The following COL21A1 variants were observed in gnomAD, a reference collection of about 807,000 sequenced individuals.
COL21A1 encodes the protein collagen alpha-1(XXI) chain.
COL21A1 carries 149 observed loss-of-function variants against 137.9 expected under a neutral mutation model. The observed-to-expected ratio is 1.08, with a 90% CI of 0.95 to 1.24. COL21A1 has a LOEUF of 1.24. COL21A1 is among the 50% of genes most tolerant of loss of function. The probability of loss-of-function intolerance (pLI) is 0.00; values close to 1 mark genes in which losing one functional copy is unlikely to be tolerated. For missense variants in COL21A1, 1,167 were observed against 1,158.4 expected (o/e 1.01, Z -0.11); for synonymous variants, 456 against 391.5 (o/e 1.16, Z -1.95).
At chr6:56,123,477 A>G (rs1336504038) in intron 16 of COL21A1, among the ~76,000 whole-genome samples, 1 of 152,230 alleles carries the variant, frequency 6.6e-6, no homozygotes, top group Admixed American at 6.5e-5. Flanking sequence ...AGAAAACAAG[A>G]TAACATCCCT....
intron 16 of COL21A1, among the ~76,000 whole-genome samples, chr6:56,118,227 C>T (rs1171049320): frequency 6.6e-6 from 1 of 150,552 alleles, no homozygotes; most frequent in Non-Finnish European, 1.5e-5. Context: ...AAATAAAATA[C>T]AGTCAGAAAT....
chr6:56,328,456 T>C (rs1012300164), intron 1 of COL21A1, among the ~76,000 whole-genome samples: 64 of 152,206 alleles, frequency 4.2e-4, no homozygotes, highest in Admixed American at 4.1e-3. Context: ...TCACCTATAC[T>C]AAACAACTGA....
chr6:56,131,012 G>A (rs1409648231), intron 12 of COL21A1, among the ~76,000 whole-genome samples: 1 of 152,110 alleles, frequency 6.6e-6, no homozygotes, highest in Admixed American at 6.5e-5. Context: ...GAGCCACTGG[G>A]TCATTTGTTA....
intron 16 of COL21A1, among the ~76,000 whole-genome samples, chr6:56,111,221 A>C: frequency 6.6e-6 from 1 of 152,096 alleles, no homozygotes; most frequent in East Asian, 1.9e-4. Context: ...ACTGAGTGAT[A>C]TTCTACAAAA....
chr6:56,155,831 G>A (rs1331600946), intron 10 of COL21A1, among the ~76,000 whole-genome samples: 2 of 152,162 alleles, frequency 1.3e-5, no homozygotes, highest in Non-Finnish European at 2.9e-5. Context: ...TCAAACTGCT[G>A]GTCTCAAGTG....
chr6:56,221,514 C>A (rs2152312559), intron 1 of COL21A1, among the ~76,000 whole-genome samples: 1 of 152,018 alleles, frequency 6.6e-6, no homozygotes, highest in South Asian at 2.1e-4. Flanking sequence ...CTTGAGCCTA[C>A]AAGTTTTAAA....
chr6:56,213,069 G>C (rs1004177589), intron 1 of COL21A1, among the ~76,000 whole-genome samples: 2 of 151,980 alleles, frequency 1.3e-5, no homozygotes, highest in Non-Finnish European at 2.9e-5. Flanking sequence ...TTAAAAAGTA[G>C]AGGACTGACC....
chr6:56,137,975 T>C (rs190170635), intron 12 of COL21A1, among the ~76,000 whole-genome samples: 2 of 152,122 alleles, frequency 1.3e-5, no homozygotes, highest in Admixed American at 1.3e-4. Context: ...ATGCCTAATA[T>C]CAGAGAATAT....
At chr6:56,314,191 G>T (rs1469791429) in intron 1 of COL21A1, among the ~76,000 whole-genome samples, 1 of 152,062 alleles carries the variant, frequency 6.6e-6, no homozygotes, top group Non-Finnish European at 1.5e-5. Flanking sequence ...CACCATGTTG[G>T]TCAGGATGAT....
At chr6:56,306,418 C>G (rs1472820753) in intron 1 of COL21A1, among the ~76,000 whole-genome samples, 1 of 152,098 alleles carries the variant, frequency 6.6e-6, no homozygotes, top group East Asian at 1.9e-4. Flanking sequence ...TTCTTGGAGG[C>G]TTTATTCATT....
intron 1 of COL21A1, among the ~76,000 whole-genome samples, chr6:56,242,420 T>C (rs922129446): frequency 6.6e-6 from 1 of 152,174 alleles, no homozygotes; most frequent in African/African-American, 2.4e-5. Flanking sequence ...AAATCTCTTT[T>C]CTTGGTCCTT....
chr6:56,256,062 AAAGTT>A (rs1171408330), intron 1 of COL21A1, among the ~76,000 whole-genome samples: 2 of 152,230 alleles, frequency 1.3e-5, no homozygotes, highest in Non-Finnish European at 2.9e-5. Flanking sequence ...TTCCTAAAGA[AAAGTT>A]AAGAAGATTT....
chr6:56,128,944 C>G (rs1322527053), intron 12 of COL21A1, among the ~76,000 whole-genome samples: 1 of 152,148 alleles, frequency 6.6e-6, no homozygotes, highest in African/African-American at 2.4e-5. Context: ...CATGAGCCAC[C>G]ATGCTCAGCC....
At position 56,060,961 on chromosome 6, in the gene COL21A1, C is replaced by A; in HGVS notation, c.2282G>T (p.Gly761Val). 1.9e-6 allele frequency: 3 copies of A among 1,607,900 alleles called. No individual in the cohort carries two copies. The highest frequency in any genetic ancestry group is 2.5e-6 in the Non-Finnish European group (3 of 1,177,576). Residue 761 changes from glycine (G) to valine (V), a missense_variant, in exon 26 of 30, where the codon GGG becomes GTG. Transcript: ENST00000244728. The part of the protein sequence containing the change: ...KGESGVDGLM[G>V]PAGPKGQPGD... ...AGGTTGCCCCTTAGGACCTGCGGGC[C>A]CCATCAAGCCATCCACCCCAGATTC... is the stretch of plus-strand genomic sequence containing the variant.
At chr6:56,073,140 T>G (rs1328098661) in intron 20 of COL21A1, among the ~76,000 whole-genome samples, 1 of 151,302 alleles carries the variant, frequency 6.6e-6, no homozygotes, top group Non-Finnish European at 1.5e-5. Context: ...TTAGGCTGCA[T>G]TCTTAAGAAT....
At chr6:56,168,098 C>T (rs1287144287) in intron 6 of COL21A1, 26 bp downstream of exon 6, 7 of 1,410,402 alleles carry the variant, frequency 5.0e-6, no homozygotes, top group Non-Finnish European at 5.7e-6. Flanking sequence ...CTATATAATT[C>T]AAAGAGTAAA....
At chr6:56,359,044 T>C (rs762843968) in intron 1 of COL21A1, among the ~76,000 whole-genome samples, 2 of 144,648 alleles carry the variant, frequency 1.4e-5, no homozygotes, top group Non-Finnish European at 3.1e-5. Flanking sequence ...CTCAAAACTT[T>C]CATAGAATTT....
chr6:56,208,429 C>T (rs1779939235), intron 1 of COL21A1, among the ~76,000 whole-genome samples: 1 of 151,992 alleles, frequency 6.6e-6, no homozygotes, highest in African/African-American at 2.4e-5. Context: ...TTCACAATTG[C>T]TACAAAGAGA....
chr6:56,361,694 T>TA (rs35493390), intron 1 of COL21A1, among the ~76,000 whole-genome samples: 11 of 151,284 alleles, frequency 7.3e-5, no homozygotes, highest in South Asian at 2.1e-4. Flanking sequence ...GATCCAAGCA[T>TA]AAAAAAAAAT....
Sources: gnomAD v4.1 joint callset for allele counts (sites outside exome capture counted in the v4.1 genomes callset) on GRCh38, gnomAD v4.1.1 for gene constraint, MANE v1.5 for transcripts, NCBI Gene and HGNC (gene_info 2026-07-23, HGNC 2026-07-21) for gene names.